The following ADGRL3 variants were observed in gnomAD, a reference collection of about 807,000 sequenced individuals.
ADGRL3 encodes adhesion G protein-coupled receptor L3.
Under a neutral mutation model 153.5 loss-of-function variants are expected in ADGRL3, and 62 were observed. The ratio of observed to expected loss-of-function variants is 0.40; its 90% CI spans 0.33 to 0.50. ADGRL3 has a LOEUF of 0.50. Among genes scored for constraint, ADGRL3 ranks in the 20% least tolerant of loss-of-function variants. The pLI is 0.47. For synonymous variants in ADGRL3, 710 were observed against 672.5 expected (o/e 1.06, Z -0.86); for missense variants, 1,641 against 1,859.4 (o/e 0.88, Z 2.16).
chr4:61,235,335 T>C (rs1752405120), intron 1 of ADGRL3, among the ~76,000 whole-genome samples: 2 of 152,220 alleles, frequency 1.3e-5, no homozygotes, highest in South Asian at 2.1e-4. Context: ...CTAATTCTTT[T>C]TTGTAGTATA....
At chr4:61,362,233 C>A (rs921880527) in intron 1 of ADGRL3, among the ~76,000 whole-genome samples, 25 of 151,198 alleles carry the variant, frequency 1.7e-4, no homozygotes, top group Non-Finnish European at 3.5e-4. Flanking sequence ...AAGCTCCTGA[C>A]CTCAAGTGAT....
chr4:61,698,472 C>CAA (rs879672462), intron 6 of ADGRL3, among the ~76,000 whole-genome samples: 1 of 151,930 alleles, frequency 6.6e-6, no homozygotes, highest in African/African-American at 2.4e-5. Context: ...ACAACAACAA[C>CAA]AACAACAAAA....
chr4:61,304,775 T>C (rs2094712239), intron 1 of ADGRL3, among the ~76,000 whole-genome samples: 2 of 152,210 alleles, frequency 1.3e-5, no homozygotes, highest in African/African-American at 4.8e-5. Context: ...CTCATTGATT[T>C]TGATCTCATA....
intron 1 of ADGRL3, among the ~76,000 whole-genome samples, chr4:61,273,155 C>T (rs2093287940): frequency 6.6e-6 from 1 of 152,162 alleles, no homozygotes; most frequent in Admixed American, 6.6e-5. Context: ...TCGTTTTTAA[C>T]ACAGAGTAAG....
intron 5 of ADGRL3, among the ~76,000 whole-genome samples, chr4:61,646,332 C>A (rs2093982574): frequency 6.6e-6 from 1 of 152,128 alleles, no homozygotes; most frequent in Non-Finnish European, 1.5e-5. Flanking sequence ...TGGTGAGGAA[C>A]TGCGTTCCTT....
At chr4:61,574,217 T>C (rs1466826986) in intron 4 of ADGRL3, among the ~76,000 whole-genome samples, 2 of 151,920 alleles carry the variant, frequency 1.3e-5, no homozygotes, top group African/African-American at 2.4e-5. Flanking sequence ...AAAATGCACA[T>C]TTTTCGTAAA....
At chr4:61,251,101 A>T (rs1759056441) in intron 1 of ADGRL3, among the ~76,000 whole-genome samples, 1 of 152,198 alleles carries the variant, frequency 6.6e-6, no homozygotes, top group Non-Finnish European at 1.5e-5. Context: ...CTCACAAATT[A>T]TGTGGCAGAA....
At chr4:61,551,683 A>C (rs2098741172) in intron 4 of ADGRL3, among the ~76,000 whole-genome samples, 1 of 152,160 alleles carries the variant, frequency 6.6e-6, no homozygotes, top group Non-Finnish European at 1.5e-5. Context: ...TAAATTGTAT[A>C]ATTTATGCTA....
At chr4:61,722,202 G>T (rs2096254568) in intron 6 of ADGRL3, among the ~76,000 whole-genome samples, 1 of 152,154 alleles carries the variant, frequency 6.6e-6, no homozygotes, top group Non-Finnish European at 1.5e-5. Flanking sequence ...GGCAGAAATT[G>T]CTATCCTGAT....
intron 1 of ADGRL3, among the ~76,000 whole-genome samples, chr4:61,280,110 T>TTC (rs1553891658): frequency 4.5e-5 from 2 of 44,226 alleles, no homozygotes; most frequent in African/African-American, 1.1e-4. Flanking sequence ...TTCTTTTCTT[T>TTC]TTCTTTTTTT....
intron 11 of ADGRL3, among the ~76,000 whole-genome samples, chr4:61,896,178 A>T (rs187147259): frequency 6.6e-6 from 1 of 152,214 alleles, no homozygotes; most frequent in Non-Finnish European, 1.5e-5. Context: ...AATAATTATA[A>T]TTTTTCAAAG....
chr4:61,830,062 T>A (rs928214441), intron 9 of ADGRL3, among the ~76,000 whole-genome samples: 7 of 151,600 alleles, frequency 4.6e-5, no homozygotes, highest in African/African-American at 1.7e-4. Flanking sequence ...CAGGCTTGAG[T>A]GTGGTGGCAC....
At position 61,756,831 on chromosome 4, in the gene ADGRL3, G is replaced by C. The variant is rs577309127; in HGVS notation, c.1399+23277G>C. Among the ~76,000 whole-genome samples the C allele has an allele frequency of 3.1e-4, 47 of 152,180 alleles. 1 individual carries two copies. In the East Asian group the frequency reaches 3.3e-3, roughly 11 times the overall value. ...TTTATTGAGAGTTTTTAGCATGAAG[G>C]GTTGTTGAATTTTGTCAAAGGCCTT... is the stretch of plus-strand genomic sequence containing the variant. On this transcript the variant is annotated intron_variant, in intron 8 of 26. Transcript: ENST00000683033.
At chr4:61,665,975 T>C (rs1015586006) in intron 5 of ADGRL3, among the ~76,000 whole-genome samples, 1 of 152,220 alleles carries the variant, frequency 6.6e-6, no homozygotes, top group African/African-American at 2.4e-5. Flanking sequence ...GTCTGTTACA[T>C]TATTGTTATA....
At chr4:61,593,754 G>C (rs909750042) in intron 5 of ADGRL3, among the ~76,000 whole-genome samples, 1 of 151,892 alleles carries the variant, frequency 6.6e-6, no homozygotes, top group Non-Finnish European at 1.5e-5. Flanking sequence ...CTTGACCTTT[G>C]GAAGTTTGAT....
intron 1 of ADGRL3, among the ~76,000 whole-genome samples, chr4:61,380,113 C>T (rs1290688716): frequency 6.6e-6 from 1 of 151,766 alleles, no homozygotes; most frequent in Admixed American, 6.6e-5. Flanking sequence ...ATCTATTACA[C>T]ATAGTAATAT....
At chr4:61,591,420 A>T (rs2098968663) in intron 5 of ADGRL3, among the ~76,000 whole-genome samples, 1 of 152,136 alleles carries the variant, frequency 6.6e-6, no homozygotes, top group Non-Finnish European at 1.5e-5. Context: ...CAACCTGTGC[A>T]GTGTCCAATC....
At chr4:61,759,489 A>T (rs2096882602) in intron 8 of ADGRL3, among the ~76,000 whole-genome samples, 1 of 152,072 alleles carries the variant, frequency 6.6e-6, no homozygotes, top group Non-Finnish European at 1.5e-5. Flanking sequence ...TGCATTCGTC[A>T]CATAGTTTTT....
chr4:61,286,184 T>A (rs1185103884), intron 1 of ADGRL3, among the ~76,000 whole-genome samples: 1 of 151,528 alleles, frequency 6.6e-6, no homozygotes, highest in African/African-American at 2.4e-5. Flanking sequence ...TGTATATTTT[T>A]AAAAATATAA....
Sources: gnomAD v4.1 joint callset for allele counts (sites outside exome capture counted in the v4.1 genomes callset) on GRCh38, gnomAD v4.1.1 for gene constraint, MANE v1.5 for transcripts, NCBI Gene and HGNC (gene_info 2026-07-23, HGNC 2026-07-21) for gene names.